Variants in FRMD4A observed in about 807,000 individuals in gnomAD.
FRMD4A encodes FERM domain containing 4A.
FRMD4A carries 29 observed loss-of-function variants against 129.1 expected under a neutral mutation model. That is an observed-to-expected ratio of 0.22 (90% confidence interval 0.17 to 0.31). FRMD4A has a LOEUF of 0.31. FRMD4A is among the 10% of genes least tolerant of loss of function. FRMD4A has a pLI of 1.00. For synonymous variants in FRMD4A, 634 were observed against 571.6 expected (o/e 1.11, Z -1.56); for missense variants, 1,272 against 1,375.8 (o/e 0.92, Z 1.19).
chr10:13,885,252 G>A (rs764266975), intron 2 of FRMD4A, among the ~76,000 whole-genome samples: 4 of 152,188 alleles, frequency 2.6e-5, no homozygotes, highest in Non-Finnish European at 5.9e-5. Flanking sequence ...CTTTTTGAGA[G>A]TTAGGCGTTT....
chr10:13,767,459 A>C (rs555190322), intron 6 of FRMD4A, among the ~76,000 whole-genome samples: 1 of 152,224 alleles, frequency 6.6e-6, no homozygotes. Context: ...GGCTGGTCTC[A>C]AACTACTGAC....
intron 2 of FRMD4A, among the ~76,000 whole-genome samples, chr10:14,146,675 G>A (rs143549923): frequency 4.6e-5 from 7 of 152,150 alleles, no homozygotes; most frequent in East Asian, 1.9e-4. Context: ...GACTCAACAC[G>A]GCACTAAGTT....
At chr10:14,138,832 A>G (rs1383938929) in intron 2 of FRMD4A, among the ~76,000 whole-genome samples, 1 of 152,202 alleles carries the variant, frequency 6.6e-6, no homozygotes, top group Non-Finnish European at 1.5e-5. Flanking sequence ...TAGCATCGGT[A>G]ATATTCAGGT....
intron 3 of FRMD4A, among the ~76,000 whole-genome samples, chr10:13,837,070 TTC>T (rs1161242879): frequency 6.6e-6 from 1 of 152,130 alleles, no homozygotes; most frequent in Non-Finnish European, 1.5e-5. Context: ...TCCTCAGTGG[TTC>T]TTAAGCAAAT....
chr10:13,689,968 G>A (rs184080954), intron 15 of FRMD4A, among the ~76,000 whole-genome samples: 1 of 152,204 alleles, frequency 6.6e-6, no homozygotes, highest in African/African-American at 2.4e-5. Flanking sequence ...GTTGGGTACT[G>A]GGCAAGTATT....
At chr10:14,120,405 G>T (rs1838441675) in intron 2 of FRMD4A, among the ~76,000 whole-genome samples, 1 of 152,038 alleles carries the variant, frequency 6.6e-6, no homozygotes, top group African/African-American at 2.4e-5. Context: ...ACTTATGCAG[G>T]TTGCTTCCCT....
At chr10:13,928,884 G>A (rs1406469) in intron 2 of FRMD4A, among the ~76,000 whole-genome samples, 134,763 of 152,232 alleles carry the variant, frequency 0.89, 59,797 homozygotes, top group African/African-American at 0.94. Context: ...GTGCAACAGA[G>A]TAATGAGAAG....
intron 2 of FRMD4A, among the ~76,000 whole-genome samples, chr10:14,110,984 T>A (rs1449993379): frequency 6.6e-6 from 1 of 152,176 alleles, no homozygotes; most frequent in African/African-American, 2.4e-5. Flanking sequence ...ATGCTAAAAA[T>A]TTTTAAGAAA....
chr10:13,763,705 T>C (rs1564760735), intron 6 of FRMD4A, among the ~76,000 whole-genome samples: 3 of 152,202 alleles, frequency 2.0e-5, no homozygotes, highest in Non-Finnish European at 4.4e-5. Flanking sequence ...GAAATACATA[T>C]TTCAAAATGT....
intron 2 of FRMD4A, among the ~76,000 whole-genome samples, chr10:14,211,527 C>T (rs1051327112): frequency 7.2e-5 from 11 of 152,200 alleles, no homozygotes; most frequent in Admixed American, 1.3e-4. Flanking sequence ...CCGTATCATG[C>T]GTGCTATCTG....
chr10:14,087,301 A>G (rs1008254995), intron 2 of FRMD4A, among the ~76,000 whole-genome samples: 1 of 147,436 alleles, frequency 6.8e-6, no homozygotes, highest in Admixed American at 6.8e-5. Context: ...TATCTATAAA[A>G]TTATAAATTA....
chr10:14,266,311 C>A (rs1018467961), intron 2 of FRMD4A, among the ~76,000 whole-genome samples: 16 of 152,162 alleles, frequency 1.1e-4, no homozygotes, highest in African/African-American at 3.4e-4. Flanking sequence ...GAAGAGGGAA[C>A]AAAATAGCCC....
chr10:13,860,864 C>T (rs371688924), intron 2 of FRMD4A, among the ~76,000 whole-genome samples: 48 of 152,230 alleles, frequency 3.2e-4, no homozygotes, highest in African/African-American at 1.1e-3. Flanking sequence ...CTGCAACCTC[C>T]ACTTCCCAGG....
intron 2 of FRMD4A, among the ~76,000 whole-genome samples, chr10:14,016,750 A>G (rs1364601155): frequency 6.6e-6 from 1 of 152,228 alleles, no homozygotes; most frequent in African/African-American, 2.4e-5. Flanking sequence ...AAAATGCACC[A>G]TCTGCTGCAT....
chr10:13,780,232 C>T (rs186320130), intron 6 of FRMD4A, among the ~76,000 whole-genome samples: 45 of 151,690 alleles, frequency 3.0e-4, no homozygotes, highest in African/African-American at 1.0e-3. Context: ...GAGGCTGAGG[C>T]GGGAGAATCG....
chr10:13,932,355 T>C (rs2095208184), intron 2 of FRMD4A, among the ~76,000 whole-genome samples: 1 of 152,188 alleles, frequency 6.6e-6, no homozygotes, highest in African/African-American at 2.4e-5. Flanking sequence ...ACATCTCCAT[T>C]TTTTTCTGCT....
At chr10:13,925,669 C>T (rs1327668672) in intron 2 of FRMD4A, among the ~76,000 whole-genome samples, 4 of 141,830 alleles carry the variant, frequency 2.8e-5, no homozygotes, top group African/African-American at 7.9e-5. Flanking sequence ...CTGCAACTTC[C>T]GCCTCCCAGG....
At chr10:13,753,997 T>C (rs957498378) in intron 8 of FRMD4A, among the ~76,000 whole-genome samples, 2 of 152,212 alleles carry the variant, frequency 1.3e-5, no homozygotes, top group African/African-American at 2.4e-5. Context: ...ATTTAAAAAT[T>C]GTTTCATAAG....
chr10:13,647,149 C>T (rs1006438311), intron 24 of FRMD4A, 114 bp from the exon 25 acceptor site: 6 of 159,002 alleles, frequency 3.8e-5, no homozygotes, highest in African/African-American at 1.2e-4. Context: ...GTGCTAATCA[C>T]GAGTCTTTCC....
Sources: allele counts gnomAD v4.1 joint callset (sites outside exome capture counted in the v4.1 genomes callset), GRCh38; gene constraint gnomAD v4.1.1; transcripts MANE v1.5; gene names NCBI Gene and HGNC (gene_info 2026-07-23, HGNC 2026-07-21).